The following SFT2D1 variants were observed in gnomAD, a reference collection of about 807,000 sequenced individuals.
SFT2D1 encodes the protein vesicle transport protein SFT2A.
SFT2D1 carries 24 observed loss-of-function variants against 28.1 expected under a neutral mutation model. The observed-to-expected ratio is 0.85, with a 90% CI of 0.62 to 1.20. The LOEUF (loss-of-function observed/expected upper bound fraction) is 1.20, where lower values mean the gene tolerates loss of function less well. Ranked by LOEUF, SFT2D1 falls within the 50% of genes most tolerant of loss-of-function variation. The pLI, the probability that SFT2D1 is intolerant of heterozygous loss-of-function variation, is 0.00. For synonymous variants in SFT2D1, 82 were observed against 73.7 expected, an observed-to-expected ratio of 1.11 and a Z score of -0.58; for missense variants, 181 against 190.9, an observed-to-expected ratio of 0.95 and a Z score of 0.31.
intron 7 of SFT2D1, among the ~76,000 whole-genome samples, chr6:166,321,110 CAA>C (rs996031345): frequency 3.3e-5 from 4 of 122,800 alleles, no homozygotes; most frequent in African/African-American, 3.0e-5. Context: ...GACTCCATCT[CAA>C]AAAAAAAAAA....
intron 1 of SFT2D1, among the ~76,000 whole-genome samples, chr6:166,330,724 C>T (rs1778534460): frequency 1.3e-5 from 2 of 152,228 alleles, no homozygotes; most frequent in Admixed American, 1.3e-4. Flanking sequence ...CATCCGAGTG[C>T]ATCCGCACTC....
rs1236750850 is a variant in SFT2D1 at position 166,329,584 on chromosome 6, A to G, written c.156T>C (p.Thr52=). 2.6e-5 allele frequency: 42 copies of G among 1,603,850 alleles called. No individual in the cohort carries two copies. Among genetic ancestry groups the G allele is most frequent in the Non-Finnish European group, 3.6e-5 (42 of 1,173,906 alleles). Residue 52 remains threonine, a synonymous_variant, in exon 3 of 8, where the codon ACT becomes ACC. Coordinates refer to ENST00000361731, the MANE Select transcript of SFT2D1 (RefSeq NM_145169.3). ...TGCCGCCCGGAAGCCACAGCAATCC[A>G]GTTCCCTAAGTTAAGATATTATAGT... is the stretch of plus-strand genomic sequence containing the variant. ...VCGVFFSILG[T]GLLWLPGGIK... is the part of the protein sequence containing the mutation.
intron 1 of SFT2D1, among the ~76,000 whole-genome samples, chr6:166,333,445 C>G (rs1193872589): frequency 1.3e-5 from 2 of 152,218 alleles, no homozygotes; most frequent in Non-Finnish European, 2.9e-5. Context: ...TTCCGGCTGC[C>G]GCTCTCCGAC....
At chr6:166,324,454 G>T in intron 6 of SFT2D1, 83 bp downstream of exon 6, 1 of 1,368,184 alleles carries the variant, frequency 7.3e-7, no homozygotes, top group Non-Finnish European at 1.0e-6. Context: ...CAGACGAAAT[G>T]CTAGGGCTTC....
intron 1 of SFT2D1, among the ~76,000 whole-genome samples, chr6:166,338,724 G>A (rs1171360845): frequency 6.6e-6 from 1 of 152,136 alleles, no homozygotes; most frequent in Non-Finnish European, 1.5e-5. Flanking sequence ...GAGGCCAAGG[G>A]AGGGATCTGG....
At chr6:166,330,015 C>G in intron 2 of SFT2D1, 146 bp downstream of exon 2, 1 of 558,890 alleles carries the variant, frequency 1.8e-6, no homozygotes, top group Non-Finnish European at 3.0e-6. Flanking sequence ...TCATTGATCT[C>G]TACCCCTTTA....
chr6:166,335,183 G>C (rs1464874976), intron 1 of SFT2D1: 18 of 622,268 alleles, frequency 2.9e-5, no homozygotes, highest in Non-Finnish European at 5.1e-5. Context: ...AACTTTGGTG[G>C]TGGTTGTGGA....
intron 1 of SFT2D1, among the ~76,000 whole-genome samples, chr6:166,331,770 G>A (rs954831417): frequency 6.6e-6 from 1 of 152,068 alleles, no homozygotes; most frequent in East Asian, 1.9e-4. Context: ...AAAACATCAC[G>A]CTGTACACAA....
chr6:166,322,966 A>T, intron 6 of SFT2D1, 80 bp from the exon 7 acceptor site: 1 of 1,154,228 alleles, frequency 8.7e-7, no homozygotes, highest in East Asian at 2.4e-5. Context: ...GTCTAACCTT[A>T]TAATAAATAC....
At chr6:166,335,215 A>G in intron 1 of SFT2D1, 1 of 609,718 alleles carries the variant, frequency 1.6e-6, no homozygotes. Flanking sequence ...TGGGAATGAC[A>G]ACTTCGGTCA....
chr6:166,329,403 A>C, intron 3 of SFT2D1, 104 bp downstream of exon 3: 1 of 847,954 alleles, frequency 1.2e-6, no homozygotes, highest in Non-Finnish European at 1.9e-6. Flanking sequence ...GGCTGAATTC[A>C]CAGTATGTAC....
rs142264254 is a variant in SFT2D1, at chr6:166,333,022, G to C, written c.64-2775C>G. 2.9e-3 allele frequency among the ~76,000 whole-genome samples: 436 copies of C among 152,270 alleles called. 3 individuals are homozygous for C. The highest frequency in any genetic ancestry group is 9.7e-3 in the African/African-American group (405 of 41,542). Reference sequence around the variant, plus strand: ...CTGGAAGGACCTGAGCCTTGCCCCTGGGCTTCTGCCATCTAAACATAGGAA... The same window carrying C: ...CTGGAAGGACCTGAGCCTTGCCCCTCGGCTTCTGCCATCTAAACATAGGAA... On this transcript the variant is annotated intron_variant, in intron 1 of 7. Coordinates refer to ENST00000361731, the MANE Select transcript of SFT2D1 (RefSeq NM_145169.3).
At chr6:166,331,992 A>G (rs947544613) in intron 1 of SFT2D1, among the ~76,000 whole-genome samples, 7 of 152,216 alleles carry the variant, frequency 4.6e-5, no homozygotes, top group African/African-American at 1.7e-4. Context: ...CAGCACGGCT[A>G]TTTGTATAAT....
At chr6:166,323,702 A>G (rs561036104) in intron 6 of SFT2D1, 24 of 152,372 alleles carry the variant, frequency 1.6e-4, no homozygotes, top group African/African-American at 5.5e-4. Flanking sequence ...TGGGAAAGGC[A>G]GTGCAGGTGA....
intron 5 of SFT2D1, among the ~76,000 whole-genome samples, chr6:166,324,849 T>C (rs1257558628): frequency 2.6e-5 from 4 of 152,206 alleles, no homozygotes; most frequent in Non-Finnish European, 4.4e-5. Context: ...ACTGAAACAA[T>C]TGTGCATAGA....
At chr6:166,335,904 C>T (rs1267197879) in intron 1 of SFT2D1, among the ~76,000 whole-genome samples, 4 of 152,200 alleles carry the variant, frequency 2.6e-5, no homozygotes, top group African/African-American at 9.7e-5. Flanking sequence ...AGACAATACT[C>T]ACGTGTATGA....
rs575917190 is a variant in SFT2D1, at chr6:166,338,478, C to G, written c.63+3941G>C. 2.6e-4 allele frequency among the ~76,000 whole-genome samples: 39 copies of G among 152,162 alleles called. No homozygotes were observed. The Middle Eastern group carries it at 0.01, about 40-fold the overall frequency. On this transcript the variant is annotated intron_variant, in intron 1 of 7. Transcript: ENST00000361731. ...GTTCTACTAAGGACATAAATAGGGG[C>G]AGAGTAACTGGGTCAGGAAGAGCCT... is the stretch of plus-strand genomic sequence containing the variant.
intron 5 of SFT2D1, among the ~76,000 whole-genome samples, chr6:166,325,483 C>G (rs564904943): frequency 1.7e-4 from 26 of 152,322 alleles, no homozygotes; most frequent in African/African-American, 5.8e-4. Context: ...GGCTAATGAA[C>G]AGCTGTTAAC....
intron 1 of SFT2D1, among the ~76,000 whole-genome samples, chr6:166,337,366 G>T (rs1428216077): frequency 6.6e-6 from 1 of 152,142 alleles, no homozygotes; most frequent in Non-Finnish European, 1.5e-5. Flanking sequence ...TAATTCCAAG[G>T]AACATTTTTG....
Sources: allele counts gnomAD v4.1 joint callset (sites outside exome capture counted in the v4.1 genomes callset), GRCh38; gene constraint gnomAD v4.1.1; transcripts MANE v1.5; gene names NCBI Gene and HGNC (gene_info 2026-07-23, HGNC 2026-07-21).